Variants in DNM3 observed in about 807,000 individuals in gnomAD.
DNM3 encodes dynamin 3.
Under a neutral mutation model 101.6 loss-of-function variants are expected in DNM3, and 47 were observed. That is an observed-to-expected ratio of 0.46 (90% CI 0.37 to 0.59). The LOEUF is 0.59. Among genes scored for constraint, DNM3 ranks in the 20% least tolerant of loss-of-function variants. The pLI is 0.00. For synonymous variants in DNM3, 385 were observed against 387.9 expected (o/e 0.99, Z 0.09); for missense variants, 849 against 1,085.7 (o/e 0.78, Z 3.06).
chr1:172,257,004 G>A (rs1470413312), intron 15 of DNM3, among the ~76,000 whole-genome samples: 1 of 149,688 alleles, frequency 6.7e-6, no homozygotes, highest in Non-Finnish European at 1.5e-5. Context: ...ATTGTATTGT[G>A]ACCAAATAAT....
At chr1:172,299,220 G>C (rs1372532155) in intron 15 of DNM3, among the ~76,000 whole-genome samples, 1 of 152,216 alleles carries the variant, frequency 6.6e-6, no homozygotes, top group East Asian at 1.9e-4. Context: ...GGCACAGAAA[G>C]AGCAAAGTGT....
chr1:172,043,465 T>A (rs767905266), intron 8 of DNM3, among the ~76,000 whole-genome samples: 18 of 152,086 alleles, frequency 1.2e-4, no homozygotes, highest in Non-Finnish European at 2.6e-4. Flanking sequence ...ATAGATAATT[T>A]CATTAAAAAT....
intron 1 of DNM3, among the ~76,000 whole-genome samples, chr1:171,867,984 G>A (rs527473273): frequency 6.6e-6 from 1 of 152,138 alleles, no homozygotes; most frequent in Non-Finnish European, 1.5e-5. Context: ...AATATCTTGG[G>A]TTGTAGAAAG....
intron 14 of DNM3, among the ~76,000 whole-genome samples, chr1:172,214,897 A>T (rs974944012): frequency 1.3e-5 from 2 of 152,118 alleles, no homozygotes; most frequent in African/African-American, 2.4e-5. Context: ...GACCAAATAG[A>T]CAAAAATGCA....
At chr1:171,900,974 G>T (rs963605658) in intron 1 of DNM3, among the ~76,000 whole-genome samples, 1 of 151,426 alleles carries the variant, frequency 6.6e-6, no homozygotes, top group African/African-American at 2.4e-5. Flanking sequence ...TTAGCCGGGC[G>T]TGGTGGCGGG....
At position 172,092,740 on chromosome 1, in the gene DNM3, C is replaced by G. The variant is rs576555228; in HGVS notation, c.1494-84C>G. Reference sequence around the variant, plus strand: ...GTCTCCATTGATTTTTTTTTTAAAGCCTGTATAAATTTTAGTATTTGTTAC... The same window carrying G: ...GTCTCCATTGATTTTTTTTTTAAAGGCTGTATAAATTTTAGTATTTGTTAC... On this transcript the variant is annotated intron_variant, in intron 12 of 20. Transcript: ENST00000627582. 10 of 1,359,006 alleles carry G rather than the reference C, an allele frequency of 7.4e-6. 1 individual carries two copies. The South Asian group carries it at 1.3e-4, about 18-fold the overall frequency. 84.2% of individuals were successfully genotyped at this position (1,359,006 alleles called of 1,614,324 possible). A position where few individuals can be genotyped will look rare whatever the true frequency, so the allele number is the denominator to read the frequency against.
At chr1:172,070,527 T>G (rs2052078775) in intron 11 of DNM3, among the ~76,000 whole-genome samples, 1 of 152,214 alleles carries the variant, frequency 6.6e-6, no homozygotes, top group Non-Finnish European at 1.5e-5. Flanking sequence ...ATTTTAAATA[T>G]TTGTAATCAT....
rs892015574 is a variant in DNM3 at position 172,103,084 on chromosome 1, T to A, written c.1545+10209T>A. ...TTTTTACTGTGAAAAAGTTGAATAA[T>A]GCAGATAAAATAAATACACCCTTGA... On this transcript the variant is annotated intron_variant, in intron 13 of 20. Transcript: ENST00000627582. Among the ~76,000 whole-genome samples, 2 of 152,100 alleles carry A rather than the reference T, an allele frequency of 1.3e-5. 1 individual carries two copies.
intron 2 of DNM3, among the ~76,000 whole-genome samples, chr1:171,979,383 G>A (rs1289653151): frequency 6.6e-6 from 1 of 152,134 alleles, no homozygotes; most frequent in Non-Finnish European, 1.5e-5. Flanking sequence ...AGAGATATCT[G>A]CACTGCCATG....
chr1:172,258,451 T>A (rs1206205828), intron 15 of DNM3, among the ~76,000 whole-genome samples: 1 of 152,142 alleles, frequency 6.6e-6, no homozygotes, highest in Admixed American at 6.6e-5. Context: ...TTACTCATTA[T>A]TGGTTGGTTC....
At chr1:171,925,676 A>G (rs1259231932) in intron 2 of DNM3, among the ~76,000 whole-genome samples, 1 of 152,076 alleles carries the variant, frequency 6.6e-6, no homozygotes, top group African/African-American at 2.4e-5. Context: ...CTCTGTTGGT[A>G]GTTTCTTTTG....
chr1:171,856,117 A>G (rs2033586706), intron 1 of DNM3, among the ~76,000 whole-genome samples: 1 of 152,306 alleles, frequency 6.6e-6, no homozygotes, highest in Non-Finnish European at 1.5e-5. Flanking sequence ...TATTTATTGA[A>G]TAGGTAGTCC....
chr1:172,338,500 T>C (rs2066545427), intron 17 of DNM3, among the ~76,000 whole-genome samples: 1 of 152,162 alleles, frequency 6.6e-6, no homozygotes, highest in African/African-American at 2.4e-5. Flanking sequence ...CAATAGCAAA[T>C]CATTTTTCCA....
At chr1:172,147,562 G>C (rs1353594012) in intron 14 of DNM3, among the ~76,000 whole-genome samples, 1 of 152,048 alleles carries the variant, frequency 6.6e-6, no homozygotes, top group African/African-American at 2.4e-5. Flanking sequence ...TCCCAATCTT[G>C]GCACATTTTT....
chr1:172,044,526 AACTCGTC>A, intron 9 of DNM3, 74 bp downstream of exon 9: 1 of 1,293,270 alleles, frequency 7.7e-7, no homozygotes, highest in Non-Finnish European at 1.1e-6. Context: ...ATGGCTAGGA[AACTCGTC>A]TTTTCATCAT....
intron 18 of DNM3, among the ~76,000 whole-genome samples, chr1:172,385,014 CTTTCT>C (rs944974317): frequency 2.4e-4 from 37 of 152,280 alleles, no homozygotes; most frequent in African/African-American, 8.7e-4. Context: ...CTAAATCTGA[CTTTCT>C]TTTCTGATGT....
intron 14 of DNM3, among the ~76,000 whole-genome samples, chr1:172,198,327 GT>G (rs1433239358): frequency 6.6e-6 from 1 of 151,994 alleles, no homozygotes; most frequent in Non-Finnish European, 1.5e-5. Flanking sequence ...CAAGTATTTT[GT>G]TTGAATTATT....
intron 15 of DNM3, among the ~76,000 whole-genome samples, chr1:172,262,528 A>G (rs897440136): frequency 3.3e-5 from 5 of 152,074 alleles, no homozygotes; most frequent in Non-Finnish European, 7.4e-5. Flanking sequence ...TCTCTCATTC[A>G]CACTTTCCCC....
intron 1 of DNM3, among the ~76,000 whole-genome samples, chr1:171,877,558 C>G (rs2035893590): frequency 6.6e-6 from 1 of 152,102 alleles, no homozygotes. Context: ...AATGGAGGTG[C>G]TAATTATAAG....
Sources: allele counts gnomAD v4.1 joint callset (sites outside exome capture counted in the v4.1 genomes callset), GRCh38; gene constraint gnomAD v4.1.1; transcripts MANE v1.5; gene names NCBI Gene and HGNC (gene_info 2026-07-23, HGNC 2026-07-21).